The following RBFOX1 variants were observed in gnomAD, a reference collection of about 807,000 sequenced individuals.
RBFOX1 encodes RNA binding fox-1 homolog 1.
A neutral mutation model predicts 57.7 loss-of-function variants in RBFOX1; 8 were observed. The ratio of observed to expected loss-of-function variants is 0.14; its 90% CI spans 0.08 to 0.25. RBFOX1 has a LOEUF of 0.25. Ranked by LOEUF, RBFOX1 falls within the 10% of genes least tolerant of loss-of-function variation. The probability of loss-of-function intolerance (pLI) is 1.00; values close to 1 mark genes in which losing one functional copy is unlikely to be tolerated. For missense variants in RBFOX1, 611 were observed against 548.5 expected, an observed-to-expected ratio of 1.11 and a Z score of -1.14; for synonymous variants, 326 against 222.4, an observed-to-expected ratio of 1.47 and a Z score of -4.15.
At chr16:6,766,123 A>G (rs2077291495) in intron 3 of RBFOX1, among the ~76,000 whole-genome samples, 1 of 152,062 alleles carries the variant, frequency 6.6e-6, no homozygotes, top group African/African-American at 2.4e-5. Flanking sequence ...CCCTAAAGCT[A>G]TTGAAATTTT....
intron 3 of RBFOX1, among the ~76,000 whole-genome samples, chr16:5,822,464 A>G (rs2055890030): frequency 6.6e-6 from 1 of 152,200 alleles, no homozygotes; most frequent in Non-Finnish European, 1.5e-5. Context: ...TAAAAAATAA[A>G]AAGTTATTTA....
chr16:7,025,807 C>A (rs1185452888), intron 3 of RBFOX1, among the ~76,000 whole-genome samples: 3 of 152,100 alleles, frequency 2.0e-5, no homozygotes, highest in Non-Finnish European at 4.4e-5. Flanking sequence ...TGCAGGGATT[C>A]AAACTGGAGC....
chr16:7,021,496 T>C (rs2039055610), intron 3 of RBFOX1, among the ~76,000 whole-genome samples: 1 of 145,898 alleles, frequency 6.9e-6, no homozygotes, highest in Non-Finnish European at 1.5e-5. Flanking sequence ...TATATTAATA[T>C]TTTATATAAA....
rs1243800173 is a variant in RBFOX1 at position 5,821,288 on chromosome 16, CTTTTTTTATTT to C, written c.319-46007_319-45997del. On this transcript the variant is annotated intron_variant, in intron 3 of 19. Transcript: ENST00000641259. ...GGAAGTGGGCTGTCTGTCATTCTCTCTTTTTTTATTTTTTTTTTTTTTTTTGAGACGGAGTC... is the reference window on the plus strand; with the variant it reads ...GGAAGTGGGCTGTCTGTCATTCTCTCTTTTTTTTTTTTTTGAGACGGAGTC... Among the ~76,000 whole-genome samples the C allele has an allele frequency of 5.8e-4, 73 of 125,480 alleles. 1 individual carries two copies. In the South Asian group the frequency reaches 0.016, roughly 28 times the overall value. The allele number at this position is 125,480 out of a possible 152,430, so 82.3% of individuals were successfully genotyped here.
chr16:6,090,725 G>T (rs1018357565), intron 1 of RBFOX1, among the ~76,000 whole-genome samples: 1 of 152,098 alleles, frequency 6.6e-6, no homozygotes, highest in Admixed American at 6.5e-5. Flanking sequence ...TAGCTCCAGG[G>T]CCCCTTAGTG....
At chr16:5,834,157 G>A (rs2056376258) in intron 3 of RBFOX1, among the ~76,000 whole-genome samples, 2 of 152,128 alleles carry the variant, frequency 1.3e-5, no homozygotes. Flanking sequence ...TGGTACACGT[G>A]GTTTTTGGTT....
intron 1 of RBFOX1, among the ~76,000 whole-genome samples, chr16:5,386,704 T>C (rs577594553): frequency 2.0e-5 from 3 of 152,222 alleles, no homozygotes; most frequent in South Asian, 2.1e-4. Flanking sequence ...GCCACCTCCT[T>C]GATTCCCCCA....
intron 1 of RBFOX1, among the ~76,000 whole-genome samples, chr16:6,174,884 C>T (rs1022419861): frequency 2.6e-5 from 4 of 152,094 alleles, no homozygotes; most frequent in African/African-American, 9.7e-5. Context: ...CATTTGACAC[C>T]CTTTCCAATA....
chr16:6,223,409 G>A (rs1207539711), intron 1 of RBFOX1, among the ~76,000 whole-genome samples: 4 of 146,628 alleles, frequency 2.7e-5, no homozygotes, highest in Non-Finnish European at 4.6e-5. Context: ...GGTGTGAGAT[G>A]GTATCTCATT....
At chr16:7,552,642 G>A (rs184669312) in intron 5 of RBFOX1, among the ~76,000 whole-genome samples, 2 of 152,154 alleles carry the variant, frequency 1.3e-5, no homozygotes, top group East Asian at 1.9e-4. Context: ...AAGCATTTCC[G>A]ACACCCATTC....
At chr16:6,504,301 A>G (rs140033729) in intron 2 of RBFOX1, among the ~76,000 whole-genome samples, 85 of 152,314 alleles carry the variant, frequency 5.6e-4, no homozygotes, top group African/African-American at 1.9e-3. Context: ...GATTAAAGGC[A>G]CCAGTGCATC....
At chr16:7,293,376 A>G (rs2095831579) in intron 4 of RBFOX1, among the ~76,000 whole-genome samples, 1 of 152,136 alleles carries the variant, frequency 6.6e-6, no homozygotes. Flanking sequence ...AGGTCCTAGA[A>G]CCAATCACCC....
chr16:7,536,199 C>T (rs1465575001), intron 5 of RBFOX1, among the ~76,000 whole-genome samples: 1 of 152,202 alleles, frequency 6.6e-6, no homozygotes, highest in Non-Finnish European at 1.5e-5. Context: ...GCAAAAACTT[C>T]TGTGAAGGAA....
chr16:5,461,860 C>T (rs2068797419), intron 1 of RBFOX1, among the ~76,000 whole-genome samples: 1 of 152,164 alleles, frequency 6.6e-6, no homozygotes. Context: ...CTTTGAGAGC[C>T]ATCCAGCTTC....
chr16:5,986,369 A>C (rs2099523), intron 4 of RBFOX1, among the ~76,000 whole-genome samples: 2,290 of 152,274 alleles, frequency 0.015, 54 homozygotes, highest in African/African-American at 0.053. Context: ...CAGACTGTTG[A>C]AATTTTTATT....
At chr16:5,454,083 TGCCA>T (rs1330550917) in intron 1 of RBFOX1, among the ~76,000 whole-genome samples, 2 of 152,222 alleles carry the variant, frequency 1.3e-5, no homozygotes, top group Non-Finnish European at 2.9e-5. Context: ...GGCCAAATCG[TGCCA>T]GCCTGTATGA....
chr16:6,967,588 C>T (rs961992784), intron 3 of RBFOX1, among the ~76,000 whole-genome samples: 1 of 152,136 alleles, frequency 6.6e-6, no homozygotes, highest in African/African-American at 2.4e-5. Context: ...TCATCAGCTT[C>T]TCTAGTTCAC....
At chr16:7,237,951 C>A (rs1342563481) in intron 4 of RBFOX1, among the ~76,000 whole-genome samples, 2 of 152,198 alleles carry the variant, frequency 1.3e-5, no homozygotes, top group East Asian at 3.9e-4. Flanking sequence ...TTACAGTGAG[C>A]CCACGTCGCG....
intron 4 of RBFOX1, among the ~76,000 whole-genome samples, chr16:7,364,604 T>A (rs1433405065): frequency 1.3e-5 from 2 of 150,660 alleles, no homozygotes; most frequent in Non-Finnish European, 3.0e-5. Context: ...AAAAAAAAAC[T>A]TGGATCCCAG....
Sources: gnomAD v4.1 joint callset for allele counts (sites outside exome capture counted in the v4.1 genomes callset) on GRCh38, gnomAD v4.1.1 for gene constraint, MANE v1.5 for transcripts, NCBI Gene and HGNC (gene_info 2026-07-23, HGNC 2026-07-21) for gene names.